The following COL28A1 variants were observed in gnomAD, a reference collection of about 807,000 sequenced individuals.
The protein encoded by COL28A1 is collagen type XXVIII alpha 1 chain.
A neutral mutation model predicts 150.2 loss-of-function variants in COL28A1; 161 were observed. That is an observed-to-expected ratio of 1.07 (90% CI 0.94 to 1.22). COL28A1 has a LOEUF of 1.22. Among genes scored for constraint, COL28A1 ranks in the 50% most tolerant of loss-of-function variants. The pLI, the probability that COL28A1 is intolerant of heterozygous loss-of-function variation, is 0.00. For missense variants in COL28A1, 1,617 were observed against 1,388.3 expected, an observed-to-expected ratio of 1.16 and a Z score of -2.62; for synonymous variants, 552 against 469.7, an observed-to-expected ratio of 1.18 and a Z score of -2.26.
chr7:7,497,608 T>G (rs530869829), intron 11 of COL28A1, among the ~76,000 whole-genome samples: 1 of 152,166 alleles, frequency 6.6e-6, no homozygotes, highest in Non-Finnish European at 1.5e-5. Flanking sequence ...ATTGTATGAC[T>G]GCAGACTAAA....
At chr7:7,419,096 T>C (rs1784261193) in intron 26 of COL28A1, among the ~76,000 whole-genome samples, 2 of 152,206 alleles carry the variant, frequency 1.3e-5, no homozygotes, top group Non-Finnish European at 2.9e-5. Flanking sequence ...ATTTTCCCTA[T>C]TGAACATGCT....
intron 27 of COL28A1, among the ~76,000 whole-genome samples, chr7:7,412,829 G>C (rs1167418143): frequency 6.6e-6 from 1 of 152,032 alleles, no homozygotes; most frequent in African/African-American, 2.4e-5. Context: ...TGTAAAATAA[G>C]CCTTATTAGC....
At chr7:7,432,604 G>A (rs1785052292) in intron 24 of COL28A1, 28 bp downstream of exon 24, 2 of 1,612,842 alleles carry the variant, frequency 1.2e-6, no homozygotes, top group Admixed American at 3.3e-5. Context: ...CAAAAAGGAG[G>A]GAGGGAAGAA....
chr7:7,353,314 T>C (rs1040036642), downstream of COL28A1, among the ~76,000 whole-genome samples: 1 of 152,184 alleles, frequency 6.6e-6, no homozygotes, highest in Non-Finnish European at 1.5e-5. Flanking sequence ...ATCTACATAA[T>C]TGGCTCTTGC....
At chr7:7,491,981 T>G (rs1044035978) in intron 11 of COL28A1, among the ~76,000 whole-genome samples, 29 of 152,334 alleles carry the variant, frequency 1.9e-4, no homozygotes, top group African/African-American at 6.7e-4. Flanking sequence ...GTTTTTTACA[T>G]TCACACGTGT....
the COL28A1 span, among the ~76,000 whole-genome samples, chr7:7,542,990 T>C: frequency 7.9e-5 from 12 of 152,230 alleles, 1 homozygote; most frequent in African/African-American, 2.7e-4. Flanking sequence ...ATTTAATAAC[T>C]GTCTCTCTGG....
At position 7,417,854 on chromosome 7, in the gene COL28A1, C is replaced by G; in HGVS notation, c.2136+5G>C. On this transcript the variant is annotated splice_donor_5th_base_variant and intron_variant, in intron 27 of 34. Coordinates refer to ENST00000399429, the MANE Select transcript of COL28A1 (RefSeq NM_001037763.3). ...GGTGACTCCAGCACAACCCTATTCA[C>G]TTACTTTAATTCCCTGTGATCCATA... 1 of 1,612,872 alleles carries G rather than the reference C, an allele frequency of 6.2e-7. No homozygotes were observed. The highest frequency in any genetic ancestry group is 1.1e-5 in the South Asian group (1 of 90,962).
chr7:7,524,344 T>G, intron 3 of COL28A1, 95 bp from the exon 4 acceptor site: 1 of 785,480 alleles, frequency 1.3e-6, no homozygotes, highest in South Asian at 1.6e-5. Context: ...ATATGAAGTT[T>G]CCACAAAGAA....
Position 7,386,092 on chromosome 7 carries a change from A to G in COL28A1, c.2137-4480T>C, listed in dbSNP as rs180839607. Among the ~76,000 whole-genome samples, 3 of 152,326 alleles carry G rather than the reference A, an allele frequency of 2.0e-5. No individual in the cohort carries two copies. The East Asian group carries it at 5.8e-4, about 29-fold the overall frequency. The stretch of plus-strand genomic sequence containing the variant: ...AAATTTCAAACCCTGGTTAATCACT[A>G]TATCACCACATTAGATGGGTCCTGA... On this transcript the variant is annotated intron_variant, in intron 27 of 34. Transcript: ENST00000399429.
chr7:7,531,065 T>C (rs1782321998), intron 3 of COL28A1, among the ~76,000 whole-genome samples: 1 of 152,116 alleles, frequency 6.6e-6, no homozygotes, highest in Admixed American at 6.5e-5. Context: ...AAACAGGAGC[T>C]TAAGGTATAT....
intron 15 of COL28A1, among the ~76,000 whole-genome samples, chr7:7,471,532 G>T (rs1788428852): frequency 6.6e-6 from 1 of 152,090 alleles, no homozygotes; most frequent in Non-Finnish European, 1.5e-5. Flanking sequence ...TGATCAAATG[G>T]GTTTCATAAC....
intron 11 of COL28A1, among the ~76,000 whole-genome samples, chr7:7,496,167 T>A (rs1178576430): frequency 2.0e-5 from 3 of 152,192 alleles, no homozygotes; most frequent in African/African-American, 4.8e-5. Context: ...CTGTTTTCCT[T>A]TTTTTTCTGA....
At chr7:7,532,346 T>A (rs1403805043) in intron 2 of COL28A1, among the ~76,000 whole-genome samples, 1 of 152,050 alleles carries the variant, frequency 6.6e-6, no homozygotes, top group Non-Finnish European at 1.5e-5. Flanking sequence ...CTATACCCCC[T>A]ATACCAAGAG....
chr7:7,355,017 T>A (rs893409802), downstream of COL28A1, among the ~76,000 whole-genome samples: 11 of 152,124 alleles, frequency 7.2e-5, no homozygotes, highest in Non-Finnish European at 1.2e-4. Context: ...GCTGACAGGC[T>A]GAGCGGAATA....
downstream of COL28A1, chr7:7,356,417 C>T (rs1356171518): frequency 6.6e-6 from 1 of 152,140 alleles, no homozygotes; most frequent in African/African-American, 2.4e-5. Context: ...TTGATGTTTG[C>T]TTCATTCTCT....
intron 27 of COL28A1, among the ~76,000 whole-genome samples, chr7:7,399,353 C>T (rs542878073): frequency 4.6e-5 from 7 of 152,248 alleles, no homozygotes; most frequent in South Asian, 4.1e-4. Context: ...TTTCTTAGAG[C>T]GTGTGTCTCA....
At chr7:7,521,834 G>A in intron 5 of COL28A1, 71 bp downstream of exon 5, 1 of 831,452 alleles carries the variant, frequency 1.2e-6, no homozygotes, top group Non-Finnish European at 2.1e-6. Context: ...TAGCCCCGAT[G>A]TTTTCAAGAG....
At chr7:7,454,714 G>A (rs1169379660) in intron 16 of COL28A1, among the ~76,000 whole-genome samples, 8 of 152,072 alleles carry the variant, frequency 5.3e-5, no homozygotes. Context: ...TCAGCACCAG[G>A]AGCACTGCAA....
chr7:7,347,122 C>T, the COL28A1 span, among the ~76,000 whole-genome samples: 4 of 151,938 alleles, frequency 2.6e-5, no homozygotes, highest in Admixed American at 6.6e-5. Flanking sequence ...ATTATAATGT[C>T]CACACTAGCA....
Sources: gnomAD v4.1 joint callset for allele counts (sites outside exome capture counted in the v4.1 genomes callset) on GRCh38, gnomAD v4.1.1 for gene constraint, MANE v1.5 for transcripts, NCBI Gene and HGNC (gene_info 2026-07-23, HGNC 2026-07-21) for gene names.